Variants in PEG3 observed in about 807,000 individuals in gnomAD.
PEG3 encodes the protein paternally-expressed gene 3 protein.
PEG3 carries 23 observed loss-of-function variants against 35.5 expected under a neutral mutation model. The ratio of observed to expected loss-of-function variants is 0.65; its 90% CI spans 0.47 to 0.92. PEG3 has a LOEUF of 0.92. Ranked by LOEUF, PEG3 falls within the 40% of genes least tolerant of loss-of-function variation. The probability of loss-of-function intolerance (pLI) is 0.00; values close to 1 mark genes in which losing one functional copy is unlikely to be tolerated. For missense variants in PEG3, 1,960 were observed against 1,985.3 expected (o/e 0.99, Z 0.24); for synonymous variants, 707 against 697.0 (o/e 1.01, Z -0.23).
chr19:56,839,562 G>A (rs188685940), intron 1 of PEG3, among the ~76,000 whole-genome samples: 7 of 151,410 alleles, frequency 4.6e-5, no homozygotes, highest in Middle Eastern at 3.5e-3. Context: ...CAAAGCGGGC[G>A]GGGCCTGAGT....
In PEG3 at chr19:56,814,406, C is replaced by T; in HGVS notation, c.4036G>A (p.Val1346Ile). 6.2e-7 allele frequency: 1 copy of T among 1,613,786 alleles called. No homozygotes were observed. Among genetic ancestry groups the T allele is most frequent in the South Asian group, 1.1e-5 (1 of 91,080 alleles). ...TGAAGCTCCTTATGTTTAGTGAGGA[C>T]TGTGCTATGAATAAAGGACTTACCA... ...DCGKSFIHST[V>I]LTKHKELHLE... Residue 1346 changes from valine to isoleucine, a missense_variant, in exon 10 of 10, where the codon GTC becomes ATC. This residue lies in a region of PEG3 where 416 missense variants were observed against 416.7 expected (regional missense o/e 1.00). Transcript: ENST00000326441. This position sits in a 1 kb window ranked among gnomAD's most constrained non-coding sequence, Gnocchi z 5.8.
Position 56,813,314 on chromosome 19 carries a change from A to G in PEG3, c.*361T>C, listed in dbSNP as rs2059668935. ...GATCACTGTTCTGTCATAATTTGCT[A>G]TTTTATATACACCTCATGAAACACT... On this transcript the variant is annotated 3_prime_UTR_variant, in exon 10 of 10. Coordinates refer to ENST00000326441, the MANE Select transcript of PEG3 (RefSeq NM_006210.3). 5 of 972,994 alleles carry G rather than the reference A, an allele frequency of 5.1e-6. No individual in the cohort carries two copies. The South Asian group carries it at 1.8e-4, about 35-fold the overall frequency. The allele number at this position is 972,994 out of a possible 1,614,324, so 60.3% of individuals were successfully genotyped here.
chr19:56,838,020 C>T (rs1005539916), intron 1 of PEG3, among the ~76,000 whole-genome samples: 1 of 152,216 alleles, frequency 6.6e-6, no homozygotes, highest in Non-Finnish European at 1.5e-5. Flanking sequence ...CCCTCAGAAC[C>T]GCACCTGCAG....
At position 56,814,470 on chromosome 19, in the gene PEG3, G is replaced by A; in HGVS notation, c.3972C>T (p.Pro1324=). 6.2e-7 allele frequency: 1 copy of A among 1,613,656 alleles called. No individual in the cohort carries two copies. The highest frequency in any genetic ancestry group is 1.1e-5 in the South Asian group (1 of 91,068). Residue 1324 remains proline (P), a synonymous_variant, in exon 10 of 10, where the codon CCC becomes CCT. Coordinates refer to ENST00000326441, the MANE Select transcript of PEG3 (RefSeq NM_006210.3). The surrounding 1 kb of genome is among the most constrained non-coding windows in gnomAD (Gnocchi z 5.8). ...CATAGAATGGTATAGCTCCTTTGAG[G>A]GGCTCAGTAAGAAATGAGGTGTGAG... ...SYTHTSFLTE[P]LKGAIPFYEC...
At chr19:56,830,857 G>A (rs904415287) in intron 2 of PEG3, among the ~76,000 whole-genome samples, 1 of 152,124 alleles carries the variant, frequency 6.6e-6, no homozygotes, top group Non-Finnish European at 1.5e-5. Flanking sequence ...GCCCTGGGAG[G>A]TGGAGGGGGC....
At chr19:56,833,240 T>A in intron 2 of PEG3, 1 of 491,388 alleles carries the variant, frequency 2.0e-6, no homozygotes, top group South Asian at 1.5e-5. Flanking sequence ...CTTACTTTGG[T>A]CCCTCACCAT....
chr19:56,812,352 T>A lies in PEG3; in HGVS notation c.*1323A>T. 1.0e-6 allele frequency: 1 copy of A among 983,758 alleles called. No individual in the cohort carries two copies. The highest frequency in any genetic ancestry group is 1.2e-6 in the Non-Finnish European group (1 of 828,640). 60.9% of individuals were successfully genotyped at this position (983,758 alleles called of 1,614,324 possible). ...AGAGCTGAAAAAGAAGGAACAGATG[T>A]TAACAAAACAAATTAAGGCTGCTGG... On this transcript the variant is annotated 3_prime_UTR_variant, in exon 10 of 10. Coordinates refer to ENST00000326441, the MANE Select transcript of PEG3 (RefSeq NM_006210.3).
At position 56,816,484 on chromosome 19, in the gene PEG3, T is replaced by G. The variant is rs764000392; in HGVS notation, c.1958A>C (p.Asn653Thr). 1.9e-5 allele frequency: 31 copies of G among 1,613,456 alleles called. No individual in the cohort carries two copies. Among genetic ancestry groups the G allele is most frequent in the Non-Finnish European group, 2.5e-5 (29 of 1,179,722 alleles). ...KEHQKIHTRG[N>T]PFENKGKVCE... ...CACTTTACCCTTGTTTTCAAATGGG[T>G]TCCCTCTAGTATGGATTTTCTGATG... The change falls in exon 10 of 10, where the codon AAC becomes ACC. Residue 653 changes from asparagine to threonine, a missense_variant. Physicochemically the swap from Asn to Thr is moderately conservative, Grantham distance 65. Coordinates refer to ENST00000326441, the MANE Select transcript of PEG3 (RefSeq NM_006210.3).
intron 2 of PEG3, among the ~76,000 whole-genome samples, chr19:56,832,916 T>C (rs2061709658): frequency 6.6e-6 from 1 of 152,252 alleles, no homozygotes; most frequent in Non-Finnish European, 1.5e-5. Context: ...TATGACACTT[T>C]ACTTCTATTC....
In PEG3 at chr19:56,810,315, GGACTACCAAAACACTA is replaced by G; in HGVS notation, c.*3344_*3359del. 1.0e-6 allele frequency: 1 copy of G among 983,126 alleles called. No homozygotes were observed. The highest frequency in any genetic ancestry group is 1.2e-6 in the Non-Finnish European group (1 of 827,916). 60.9% of individuals were successfully genotyped at this position (983,126 alleles called of 1,614,324 possible). A position where few individuals can be genotyped will look rare whatever the true frequency, so the allele number is the denominator to read the frequency against. ...TAATGGAAATATATGTAGTAAAGGTGGACTACCAAAACACTAGAATGATGACCTTTCAAGGAAACCG... is the reference window on the plus strand; with the variant it reads ...TAATGGAAATATATGTAGTAAAGGTGGAATGATGACCTTTCAAGGAAACCG... On this transcript the variant is annotated 3_prime_UTR_variant, in exon 10 of 10. Transcript: ENST00000326441.
chr19:56,820,893 T>C (rs1279031304), intron 7 of PEG3, among the ~76,000 whole-genome samples: 1 of 152,174 alleles, frequency 6.6e-6, no homozygotes, highest in African/African-American at 2.4e-5. Flanking sequence ...AAAGGAAGGC[T>C]CAGCCCAATG....
chr19:56,814,963 T>C lies in PEG3; in HGVS notation c.3479A>G (p.Glu1160Gly). The change falls in exon 10 of 10, where the codon GAG becomes GGG. Residue 1160 changes from glutamate to glycine, a missense_variant. Coordinates refer to ENST00000326441, the MANE Select transcript of PEG3 (RefSeq NM_006210.3). This position sits in a 1 kb window ranked among gnomAD's most constrained non-coding sequence, Gnocchi z 5.8. ...ISEYQRDYTG[E>G]QLYECPKCGE... ...ACACTTTGGACATTCATACAGCTGC[T>C]CTCCAGTGTAATCTCTCTGATACTC... 6.2e-7 allele frequency: 1 copy of C among 1,614,120 alleles called. No homozygotes were observed. Among genetic ancestry groups the C allele is most frequent in the Non-Finnish European group, 8.5e-7 (1 of 1,179,974 alleles).
intron 7 of PEG3, 77 bp downstream of exon 7, chr19:56,821,574 A>C: frequency 1.9e-6 from 3 of 1,562,560 alleles, no homozygotes; most frequent in Non-Finnish European, 2.6e-6. Context: ...AGATAAACAC[A>C]CCATCTGGGG....
Position 56,810,583 on chromosome 19 carries a change from T to G in PEG3, c.*3092A>C. The G allele has an allele frequency of 1.1e-6, 1 of 930,606 alleles. No individual in the cohort carries two copies. The highest frequency in any genetic ancestry group is 5.0e-5 in the South Asian group (1 of 20,190). The allele number at this position is 930,606 out of a possible 1,614,324, so 57.6% of individuals were successfully genotyped here. A position where few individuals can be genotyped will look rare whatever the true frequency, so the allele number is the denominator to read the frequency against. On this transcript the variant is annotated 3_prime_UTR_variant, in exon 10 of 10. Transcript: ENST00000326441. The stretch of plus-strand genomic sequence containing the variant: ...GTATGAGTATGTATTATATTTGTAA[T>G]GGAAAATACATACATAAAATTTATT...
At chr19:56,839,823 G>A (rs572808913) in intron 1 of PEG3, among the ~76,000 whole-genome samples, 1 of 152,002 alleles carries the variant, frequency 6.6e-6, no homozygotes, top group East Asian at 2.0e-4. Flanking sequence ...CACCCAGTGG[G>A]TGGGGCTTGA....
At chr19:56,819,452 G>A (rs922759966) in intron 7 of PEG3, among the ~76,000 whole-genome samples, 8 of 152,308 alleles carry the variant, frequency 5.3e-5, no homozygotes, top group African/African-American at 1.9e-4. Context: ...AAGGACCTTT[G>A]CTTATTGCCA....
chr19:56,822,729 G>A (rs1252597932), intron 6 of PEG3, 24 bp downstream of exon 6: 5 of 1,612,982 alleles, frequency 3.1e-6, no homozygotes, highest in Admixed American at 3.3e-5. Context: ...TCTCCTACTG[G>A]GAAAGAAAGT....
chr19:56,820,649 G>A (rs1260767920), intron 7 of PEG3, among the ~76,000 whole-genome samples: 1 of 152,184 alleles, frequency 6.6e-6, no homozygotes, highest in Non-Finnish European at 1.5e-5. Flanking sequence ...ATGCCTCCAA[G>A]ACATTTCCCT....
chr19:56,814,698 C>T lies in PEG3; in HGVS notation c.3744G>A (p.Arg1248=), dbSNP rs868528666. 1 of 1,614,030 alleles carries T rather than the reference C, an allele frequency of 6.2e-7. No homozygotes were observed. The highest frequency in any genetic ancestry group is 8.5e-7 in the Non-Finnish European group (1 of 1,179,964). The part of the protein sequence containing the change: ...SALNEHMRLH[R]EDDLLEQSQM... ...GGCTCTGCTCCAGTAAATCATCTTC[C>T]CTATGAAGTCTCATATGCTCATTAA... The change falls in exon 10 of 10, where the codon AGG becomes AGA. Residue 1248 remains arginine, a synonymous_variant. Coordinates refer to ENST00000326441, the MANE Select transcript of PEG3 (RefSeq NM_006210.3). The surrounding 1 kb of genome is among the most constrained non-coding windows in gnomAD (Gnocchi z 5.8).
Sources: allele counts gnomAD v4.1 joint callset (sites outside exome capture counted in the v4.1 genomes callset), GRCh38; gene constraint gnomAD v4.1.1; regional missense constraint gnomAD v4.1.1; non-coding constraint Gnocchi (gnomAD v3.1); transcripts MANE v1.5; gene names NCBI Gene and HGNC (gene_info 2026-07-23, HGNC 2026-07-21).